FCMR: variants seen among roughly 807,000 people sequenced by gnomAD.
FCMR encodes immunoglobulin mu Fc receptor.
FCMR carries 34 observed loss-of-function variants against 41.6 expected under a neutral mutation model. The observed-to-expected ratio is 0.82, with a 90% CI of 0.62 to 1.09. The LOEUF (loss-of-function observed/expected upper bound fraction) is 1.09. Ranked by LOEUF, FCMR falls within the 50% of genes least tolerant of loss-of-function variation. The probability of loss-of-function intolerance (pLI) is 0.00; values close to 1 mark genes in which losing one functional copy is unlikely to be tolerated. For synonymous variants in FCMR, 209 were observed against 211.8 expected (o/e 0.99, Z 0.12); for missense variants, 496 against 512.5 (o/e 0.97, Z 0.31).
intron 1 of FCMR, among the ~76,000 whole-genome samples, chr1:206,917,986 C>A (rs937906874): frequency 9.2e-5 from 14 of 152,130 alleles, no homozygotes; most frequent in African/African-American, 3.4e-4. Flanking sequence ...CCTCTTTATT[C>A]TCTTTCTCAA....
At position 206,909,438 on chromosome 1, in the gene FCMR, A is replaced by G; in HGVS notation, c.1044+24T>C. The G allele has an allele frequency of 8.1e-7, 1 of 1,229,566 alleles. No homozygotes were observed. The highest frequency in any genetic ancestry group is 1.0e-6 in the Non-Finnish European group (1 of 983,568). 76.2% of individuals were successfully genotyped at this position (1,229,566 alleles called of 1,614,324 possible). ...GCCGCCCAGTCGGGCCGCGGCTGCC[A>G]ATCAGGGCAGGAGCGGAGCTTACCT... On this transcript the variant is annotated intron_variant, in intron 7 of 7. Coordinates refer to ENST00000367091, the MANE Select transcript of FCMR (RefSeq NM_005449.5). The surrounding 1 kb of genome is among the most constrained non-coding windows in gnomAD (Gnocchi z 5.0).
Position 206,905,148 on chromosome 1 carries a change from C to T in FCMR, c.1045-1G>A. The T allele has an allele frequency of 1.4e-5, 23 of 1,613,954 alleles. No homozygotes were observed. The highest frequency in any genetic ancestry group is 1.9e-5 in the Non-Finnish European group (23 of 1,179,944). ...CATGGAGCCAGGGAGATTCAGACACCTGGGGACAATGAAAGAAGCATCACT... is the reference window on the plus strand; with the variant it reads ...CATGGAGCCAGGGAGATTCAGACACTTGGGGACAATGAAAGAAGCATCACT... On this transcript the variant is annotated splice_acceptor_variant, in intron 7 of 7. Coordinates refer to ENST00000367091, the MANE Select transcript of FCMR (RefSeq NM_005449.5). LOFTEE classifies it high-confidence loss of function.
chr1:206,920,099 G>T (rs1205949018), intron 1 of FCMR, among the ~76,000 whole-genome samples: 1 of 152,176 alleles, frequency 6.6e-6, no homozygotes, highest in Admixed American at 6.5e-5. Flanking sequence ...GCTCAGAAGA[G>T]GGGGCTCAGG....
chr1:206,916,516 TG>T (rs1485830464), intron 1 of FCMR, among the ~76,000 whole-genome samples: 1 of 152,220 alleles, frequency 6.6e-6, no homozygotes, highest in Non-Finnish European at 1.5e-5. Flanking sequence ...CTGGCTTGCC[TG>T]TTCGGCTGCT....
In FCMR at chr1:206,909,373, G is replaced by T; in HGVS notation, c.1044+89C>A. ...CCGCTCTCCGGATCGCGGCGGCGGCGGCGCGGGAAGCCACACTCGGGTCCC... is the reference window on the plus strand; with the variant it reads ...CCGCTCTCCGGATCGCGGCGGCGGCTGCGCGGGAAGCCACACTCGGGTCCC... On this transcript the variant is annotated intron_variant, in intron 7 of 7. Coordinates refer to ENST00000367091, the MANE Select transcript of FCMR (RefSeq NM_005449.5). The surrounding 1 kb of genome is among the most constrained non-coding windows in gnomAD (Gnocchi z 5.0). 1 of 735,246 alleles carries T rather than the reference G, an allele frequency of 1.4e-6. No individual in the cohort carries two copies. Among genetic ancestry groups the T allele is most frequent in the Non-Finnish European group, 1.9e-6 (1 of 533,636 alleles). The allele number at this position is 735,246 out of a possible 1,614,324, so 45.5% of individuals were successfully genotyped here.
At position 206,909,337 on chromosome 1, in the gene FCMR, T is replaced by A. The variant is rs1394918019; in HGVS notation, c.1044+125A>T. The A allele has an allele frequency of 1.1e-5, 5 of 470,238 alleles. No individual in the cohort carries two copies. Among genetic ancestry groups the A allele is most frequent in the Middle Eastern group, 5.6e-4 (1 of 1,778 alleles). The allele number at this position is 470,238 out of a possible 1,614,324, so 29.1% of individuals were successfully genotyped here. A position where few individuals can be genotyped will look rare whatever the true frequency, so the allele number is the denominator to read the frequency against. On this transcript the variant is annotated intron_variant, in intron 7 of 7. Coordinates refer to ENST00000367091, the MANE Select transcript of FCMR (RefSeq NM_005449.5). The surrounding 1 kb of genome is among the most constrained non-coding windows in gnomAD (Gnocchi z 5.0). ...GTTCCTCGGCTCAGGGCCCAGGAGC[T>A]GCTGGGAAACCCGCTCTCCGGATCG...
intron 7 of FCMR, 149 bp from the exon 8 acceptor site, chr1:206,905,296 G>A (rs533272505): frequency 2.4e-6 from 2 of 828,494 alleles, no homozygotes; most frequent in East Asian, 2.7e-5. Flanking sequence ...TCCATCAAGT[G>A]GAGTAGCCCT....
At chr1:206,906,072 A>G (rs937259323) in intron 7 of FCMR, 4 of 352,312 alleles carry the variant, frequency 1.1e-5, no homozygotes, top group Non-Finnish European at 2.3e-5. Flanking sequence ...AAACTCAGTC[A>G]AGTAATCAGT....
chr1:206,904,978 C>A lies in FCMR; in HGVS notation c.*41G>T. On this transcript the variant is annotated 3_prime_UTR_variant, in exon 8 of 8. Coordinates refer to ENST00000367091, the MANE Select transcript of FCMR (RefSeq NM_005449.5). ...AGCAGATAGATGAGACTCCTTGGCA[C>A]CACAGTCCGAGCCTGGGGTTGGGGG... is the stretch of plus-strand genomic sequence containing the variant. 6.2e-7 allele frequency: 1 copy of A among 1,610,984 alleles called. No individual in the cohort carries two copies. Among genetic ancestry groups the A allele is most frequent in the Non-Finnish European group, 8.5e-7 (1 of 1,178,376 alleles).
intron 7 of FCMR, among the ~76,000 whole-genome samples, chr1:206,907,363 G>C (rs778014123): frequency 3.9e-5 from 6 of 152,174 alleles, no homozygotes; most frequent in African/African-American, 7.2e-5. Flanking sequence ...CACGGTCCTG[G>C]TGCCTGTGTA....
intron 1 of FCMR, among the ~76,000 whole-genome samples, chr1:206,921,188 T>G (rs938525204): frequency 1.6e-4 from 24 of 152,222 alleles, no homozygotes; most frequent in African/African-American, 5.8e-4. Flanking sequence ...AATTCGGGAC[T>G]GAAAAAGATC....
rs1477267889 is a variant in FCMR at position 206,909,941 on chromosome 1, G to A, written c.842-73C>T. The A allele has an allele frequency of 1.5e-6, 2 of 1,349,266 alleles. No homozygotes were observed. Among genetic ancestry groups the A allele is most frequent in the Non-Finnish European group, 1.9e-6 (2 of 1,046,894 alleles). 83.6% of individuals were successfully genotyped at this position (1,349,266 alleles called of 1,614,324 possible). ...CCGTGCCACCCTCCCCAAACGAAAG[G>A]CTGCCTCCTCCCTCGGGCTTGGCAG... On this transcript the variant is annotated intron_variant, in intron 5 of 7. Transcript: ENST00000367091. This position sits in a 1 kb window ranked among gnomAD's most constrained non-coding sequence, Gnocchi z 5.0.
intron 1 of FCMR, 73 bp downstream of exon 1, chr1:206,921,745 C>T: frequency 1.5e-6 from 2 of 1,374,398 alleles, no homozygotes; most frequent in East Asian, 4.6e-5. Context: ...GCTAGAGCTA[C>T]CAGGCAATTA....
At chr1:206,922,936 C>T (rs532526588), upstream of FCMR, among the ~76,000 whole-genome samples, 127 of 152,310 alleles carry the variant, frequency 8.3e-4, no homozygotes, top group Admixed American at 2.1e-3. Context: ...CTACCCTGCC[C>T]ACCTCACATG....
At chr1:206,914,639 C>T (rs1415945702) in intron 1 of FCMR, among the ~76,000 whole-genome samples, 2 of 151,816 alleles carry the variant, frequency 1.3e-5, no homozygotes, top group African/African-American at 4.8e-5. Context: ...CATTATGTTG[C>T]CCACGCTGTT....
rs1410158688 is a variant in FCMR at position 206,909,211 on chromosome 1, T to C, written c.1044+251A>G. ...GCCAGCTGCATCCAGCACGCAGGTA[T>C]CCCGTGACAACTGCTTGGCTAGAAG... On this transcript the variant is annotated intron_variant, in intron 7 of 7. Transcript: ENST00000367091. The surrounding 1 kb of genome is among the most constrained non-coding windows in gnomAD (Gnocchi z 5.0). 6.6e-6 allele frequency among the ~76,000 whole-genome samples: 1 copy of C among 152,122 alleles called. No homozygotes were observed. The highest frequency in any genetic ancestry group is 1.5e-5 in the Non-Finnish European group (1 of 68,028).
At chr1:206,922,624 TGGCAAG>T (rs1679479386), upstream of FCMR, among the ~76,000 whole-genome samples, 1 of 152,218 alleles carries the variant, frequency 6.6e-6, no homozygotes, top group Non-Finnish European at 1.5e-5. Flanking sequence ...TGCTGCCCTG[TGGCAAG>T]GGCTCAGGCC....
chr1:206,905,963 A>G, intron 7 of FCMR: 1 of 179,604 alleles, frequency 5.6e-6, no homozygotes, highest in Non-Finnish European at 1.2e-5. Context: ...AAAACAGAAA[A>G]GAAAAAAAGA....
In FCMR at chr1:206,914,090, C is replaced by T. The variant is rs167082; in HGVS notation, c.42G>A (p.Ser14=). Residue 14 remains serine (S), a synonymous_variant, in exon 2 of 8, where the codon TCG becomes TCA. Coordinates refer to ENST00000367091, the MANE Select transcript of FCMR (RefSeq NM_005449.5). ...CTTCTGGGAGGATCCTCAGGGCCCC[C>T]GATACTGCAGGGAGAGGAGATTAAT... ...WLWPLYFLPV[S]GALRILPEVK... 0.42 allele frequency: 670,715 copies of T among 1,610,044 alleles called. 147,219 individuals carry two copies. Among genetic ancestry groups the T allele is most frequent in the Middle Eastern group, 0.47 (2,852 of 6,050 alleles).
Sources: gnomAD v4.1 joint callset for allele counts (sites outside exome capture counted in the v4.1 genomes callset) on GRCh38, gnomAD v4.1.1 for gene constraint, Gnocchi (gnomAD v3.1) non-coding constraint, MANE v1.5 for transcripts, NCBI Gene and HGNC (gene_info 2026-07-23, HGNC 2026-07-21) for gene names.